DPP10: variants seen among roughly 807,000 people sequenced by gnomAD.
DPP10 encodes inactive dipeptidyl peptidase 10.
Under a neutral mutation model 120.9 loss-of-function variants are expected in DPP10, and 33 were observed. The observed-to-expected ratio is 0.27, with a 90% CI of 0.21 to 0.37. The LOEUF (loss-of-function observed/expected upper bound fraction) is 0.37. DPP10 is among the 10% of genes least tolerant of loss of function. DPP10 has a pLI of 1.00. For synonymous variants in DPP10, 337 were observed against 326.1 expected (o/e 1.03, Z -0.36); for missense variants, 816 against 942.8 (o/e 0.87, Z 1.76).
intron 5 of DPP10, among the ~76,000 whole-genome samples, chr2:115,637,837 T>A (rs1211694425): frequency 6.6e-6 from 1 of 152,060 alleles, no homozygotes; most frequent in Non-Finnish European, 1.5e-5. Context: ...TGAAGAAAAA[T>A]TAAGCCTAGA....
intron 4 of DPP10, among the ~76,000 whole-genome samples, chr2:115,503,149 G>T (rs1465230842): frequency 6.6e-6 from 1 of 152,030 alleles, no homozygotes; most frequent in Non-Finnish European, 1.5e-5. Flanking sequence ...TTCATATATG[G>T]CAGCAGAATG....
chr2:115,468,422 T>G (rs2074468249), intron 3 of DPP10: 3 of 478,740 alleles, frequency 6.3e-6, no homozygotes, highest in Non-Finnish European at 1.2e-5. Context: ...TTCTAGTGGT[T>G]AATAATCCCA....
intron 1 of DPP10, among the ~76,000 whole-genome samples, chr2:114,908,839 A>G (rs1301150208): frequency 1.3e-5 from 2 of 151,706 alleles, no homozygotes; most frequent in African/African-American, 4.8e-5. Flanking sequence ...GAATAAGTAC[A>G]TATTGATCCT....
At chr2:115,460,832 C>T (rs1365372753) in intron 3 of DPP10, among the ~76,000 whole-genome samples, 3 of 152,174 alleles carry the variant, frequency 2.0e-5, no homozygotes, top group Non-Finnish European at 4.4e-5. Context: ...AATCTGATCA[C>T]AACATATTGC....
intron 1 of DPP10, among the ~76,000 whole-genome samples, chr2:115,152,341 C>T (rs1462115015): frequency 6.6e-6 from 1 of 152,218 alleles, no homozygotes; most frequent in Non-Finnish European, 1.5e-5. Flanking sequence ...CTCTGGGCTA[C>T]AATTTGCCAG....
At chr2:115,539,829 C>A (rs556497440) in intron 5 of DPP10, among the ~76,000 whole-genome samples, 6 of 147,170 alleles carry the variant, frequency 4.1e-5, no homozygotes, top group Non-Finnish European at 7.5e-5. Context: ...AAAAAAAAAA[C>A]CACAACCAGA....
intron 3 of DPP10, among the ~76,000 whole-genome samples, chr2:115,429,663 C>G (rs2070792727): frequency 1.3e-5 from 2 of 152,174 alleles, no homozygotes; most frequent in African/African-American, 4.8e-5. Context: ...TATGTCCCTT[C>G]CCCAGCATGT....
At chr2:114,985,169 C>T (rs1395936547) in intron 1 of DPP10, among the ~76,000 whole-genome samples, 2 of 152,152 alleles carry the variant, frequency 1.3e-5, no homozygotes, top group African/African-American at 2.4e-5. Flanking sequence ...TCCAGTTATA[C>T]TGTTTCCCCT....
chr2:115,315,581 T>G (rs2061755961), intron 2 of DPP10, among the ~76,000 whole-genome samples: 1 of 152,214 alleles, frequency 6.6e-6, no homozygotes, highest in Non-Finnish European at 1.5e-5. Context: ...ATCCCCATTA[T>G]GCATTATGAG....
intron 1 of DPP10, among the ~76,000 whole-genome samples, chr2:115,242,875 C>CTA (rs909674045): frequency 1.3e-5 from 2 of 151,908 alleles, no homozygotes; most frequent in Non-Finnish European, 2.9e-5. Flanking sequence ...ATAAGCAAAG[C>CTA]TATATAGTCT....
At position 114,969,852 on chromosome 2, in the gene DPP10, C is replaced by T. The variant is rs372226551; in HGVS notation, c.61-339387C>T. 2.3e-4 allele frequency among the ~76,000 whole-genome samples: 35 copies of T among 152,206 alleles called. No homozygotes were observed. In the South Asian group the frequency reaches 7.1e-3, roughly 31 times the overall value. On this transcript the variant is annotated intron_variant, in intron 1 of 25. Transcript: ENST00000410059. ...AACTGTTTCAATAGAGAAGAAAGCC[C>T]CCCACCTCCAGTCCCCACTAACCCT...
At chr2:114,500,923 C>T (rs1683104948) in intron 1 of DPP10, among the ~76,000 whole-genome samples, 1 of 152,154 alleles carries the variant, frequency 6.6e-6, no homozygotes. Context: ...TGATGAATGC[C>T]TCAGAGCCGA....
intron 1 of DPP10, among the ~76,000 whole-genome samples, chr2:114,834,741 A>G (rs542622778): frequency 1.4e-5 from 2 of 139,274 alleles, no homozygotes; most frequent in Non-Finnish European, 3.2e-5. Flanking sequence ...CTACGCACCT[A>G]TGTATATATA....
chr2:115,735,984 G>A (rs1044046709), intron 8 of DPP10, among the ~76,000 whole-genome samples: 1 of 152,078 alleles, frequency 6.6e-6, no homozygotes, highest in Non-Finnish European at 1.5e-5. Flanking sequence ...TGGCAGATGA[G>A]GACCATCATC....
intron 3 of DPP10, among the ~76,000 whole-genome samples, chr2:115,447,799 C>G (rs2072746877): frequency 6.6e-6 from 1 of 152,196 alleles, no homozygotes; most frequent in Non-Finnish European, 1.5e-5. Flanking sequence ...ATTACCCAGT[C>G]TCAGGCATTT....
chr2:114,638,148 A>AT (rs1458734034), intron 1 of DPP10, among the ~76,000 whole-genome samples: 3 of 151,428 alleles, frequency 2.0e-5, no homozygotes, highest in Admixed American at 1.3e-4. Context: ...ATCATTTCTG[A>AT]TTTTTTTCAG....
At chr2:114,678,478 G>C (rs1698810503) in intron 1 of DPP10, among the ~76,000 whole-genome samples, 1 of 152,078 alleles carries the variant, frequency 6.6e-6, no homozygotes, top group Admixed American at 6.6e-5. Flanking sequence ...ACCAACTAAA[G>C]ATGAGTTTAC....
chr2:115,287,078 A>C (rs111309932), intron 1 of DPP10, among the ~76,000 whole-genome samples: 8,671 of 152,100 alleles, frequency 0.057, 332 homozygotes, highest in Middle Eastern at 0.1. Context: ...GGAAAGGCAG[A>C]AAATGTATGA....
intron 4 of DPP10, among the ~76,000 whole-genome samples, chr2:115,503,377 C>T (rs920590021): frequency 6.6e-6 from 1 of 152,038 alleles, no homozygotes; most frequent in Non-Finnish European, 1.5e-5. Context: ...GGTGATAGAT[C>T]CAACTCTGTA....
Sources: allele counts gnomAD v4.1 joint callset (sites outside exome capture counted in the v4.1 genomes callset), GRCh38; gene constraint gnomAD v4.1.1; transcripts MANE v1.5; gene names NCBI Gene and HGNC (gene_info 2026-07-23, HGNC 2026-07-21).